The following CORIN variants were observed in gnomAD, a reference collection of about 807,000 sequenced individuals.
CORIN encodes corin, serine peptidase.
In CORIN, 117 loss-of-function variants were observed where a neutral mutation model predicts 125.3. The ratio of observed to expected loss-of-function variants is 0.93; its 90% CI spans 0.80 to 1.09. The LOEUF (loss-of-function observed/expected upper bound fraction) is 1.09, where lower values mean the gene tolerates loss of function less well. Ranked by LOEUF, CORIN falls within the 50% of genes least tolerant of loss-of-function variation. The probability of loss-of-function intolerance (pLI) is 0.00; values close to 1 mark genes in which losing one functional copy is unlikely to be tolerated. For synonymous variants in CORIN, 450 were observed against 466.4 expected (o/e 0.96, Z 0.45); for missense variants, 1,253 against 1,306.7 (o/e 0.96, Z 0.63).
At position 47,683,694 on chromosome 4, in the gene CORIN, T is replaced by C. The variant is rs146969505; in HGVS notation, c.1021+37A>G. The C allele has an allele frequency of 5.8e-5, 85 of 1,477,742 alleles. No homozygotes were observed. In the East Asian group the frequency reaches 1.9e-3, roughly 33 times the overall value. 91.5% of individuals were successfully genotyped at this position (1,477,742 alleles called of 1,614,324 possible). A position where few individuals can be genotyped will look rare whatever the true frequency, so the allele number is the denominator to read the frequency against. ...GTTTTTGGTTATAAATTTCTATGAT[T>C]TTAAATTAAAACCTTTGGGGAAACA... is the stretch of plus-strand genomic sequence containing the variant. On this transcript the variant is annotated intron_variant, in intron 7 of 21. Coordinates refer to ENST00000273857, the MANE Select transcript of CORIN (RefSeq NM_006587.4).
intron 5 of CORIN, among the ~76,000 whole-genome samples, chr4:47,711,262 T>G (rs1015458036): frequency 2.0e-5 from 3 of 152,248 alleles, no homozygotes; most frequent in Admixed American, 6.5e-5. Context: ...TGGCAGGGAC[T>G]GCCGGTTGTC....
In CORIN at chr4:47,623,634, T is replaced by G. The variant is rs770719777; in HGVS notation, c.2477A>C (p.His826Pro). 1.2e-6 allele frequency: 2 copies of G among 1,614,228 alleles called. No homozygotes were observed. Among genetic ancestry groups the G allele is most frequent in the Non-Finnish European group, 8.5e-7 (1 of 1,180,038 alleles). ...QCSLQSEPSG[H>P]ICGCVLIAKK... ...GGCAATGAGGACACAGCCACAGATA[T>G]GTCCACTGGGTTCACTCTGCAGAGA... Residue 826 changes from histidine to proline, a missense_variant, in exon 19 of 22, where the codon CAT becomes CCT. Physicochemically the swap from His to Pro is moderately conservative, Grantham distance 77. Coordinates refer to ENST00000273857, the MANE Select transcript of CORIN (RefSeq NM_006587.4).
Position 47,838,016 on chromosome 4 carries a change from C to A in CORIN, c.-67G>T. On this transcript the variant is annotated 5_prime_UTR_variant, in exon 1 of 22. Transcript: ENST00000273857. Reference sequence around the variant, plus strand: ...GGTCGCTTTTCTCTCCTCTACGTGTCCCCCGGGGAGGCACTACGGATGATT... The same window carrying A: ...GGTCGCTTTTCTCTCCTCTACGTGTACCCCGGGGAGGCACTACGGATGATT... The A allele has an allele frequency of 2.5e-6, 4 of 1,597,176 alleles. No homozygotes were observed. The South Asian group carries it at 3.3e-5, about 13-fold the overall frequency.
In CORIN at chr4:47,765,403, T is replaced by C. The variant is rs184853741; in HGVS notation, c.410-1817A>G. On this transcript the variant is annotated intron_variant, in intron 3 of 21. Transcript: ENST00000273857. ...TTTACTGCTGCATAACATTCCACTA[T>C]ATGTTGTACTGGGATTTATTTAAGC... 1.8e-3 allele frequency among the ~76,000 whole-genome samples: 281 copies of C among 152,292 alleles called. 1 individual carries two copies. Among genetic ancestry groups the C allele is most frequent in the African/African-American group, 6.1e-3 (253 of 41,542 alleles).
At chr4:47,795,596 A>C (rs896998811) in intron 2 of CORIN, among the ~76,000 whole-genome samples, 1 of 152,090 alleles carries the variant, frequency 6.6e-6, no homozygotes, top group East Asian at 1.9e-4. Context: ...CAAAGAAAAA[A>C]AAAAGACCAG....
chr4:47,607,604 T>G (rs1280941933), intron 19 of CORIN, among the ~76,000 whole-genome samples: 1 of 146,540 alleles, frequency 6.8e-6, no homozygotes, highest in East Asian at 1.9e-4. Flanking sequence ...AAACCCAACC[T>G]GTTGTTTGAA....
chr4:47,640,730 T>C (rs1016842610), intron 16 of CORIN, among the ~76,000 whole-genome samples: 4 of 152,246 alleles, frequency 2.6e-5, no homozygotes, highest in Non-Finnish European at 5.9e-5. Context: ...GGAACCTTTC[T>C]ATTTACAATA....
intron 5 of CORIN, chr4:47,706,480 C>T: frequency 3.7e-6 from 6 of 1,611,542 alleles, no homozygotes; most frequent in East Asian, 4.5e-5. Context: ...CTCTGCTCTT[C>T]ACAGGGCTCC....
intron 4 of CORIN, among the ~76,000 whole-genome samples, chr4:47,761,911 G>A (rs2109868050): frequency 6.6e-6 from 1 of 152,212 alleles, no homozygotes; most frequent in South Asian, 2.1e-4. Context: ...CAGGAGGACT[G>A]CTTGAGCCTA....
chr4:47,733,408 T>C (rs2109818703), intron 5 of CORIN, among the ~76,000 whole-genome samples: 1 of 152,300 alleles, frequency 6.6e-6, no homozygotes, highest in African/African-American at 2.4e-5. Context: ...ATAGGAGAAA[T>C]TCGGACTATG....
At chr4:47,639,253 TTA>T (rs2109601539) in intron 16 of CORIN, among the ~76,000 whole-genome samples, 1 of 152,338 alleles carries the variant, frequency 6.6e-6, no homozygotes, top group Non-Finnish European at 1.5e-5. Context: ...GATTAAAGTT[TTA>T]TGTTTTTCTT....
chr4:47,613,522 A>G (rs905516500), intron 19 of CORIN, among the ~76,000 whole-genome samples: 1 of 152,152 alleles, frequency 6.6e-6, no homozygotes, highest in Non-Finnish European at 1.5e-5. Flanking sequence ...AAGTAATTGC[A>G]GCATTATTCA....
Position 47,671,069 on chromosome 4 carries a change from C to T in CORIN, c.1357+3324G>A, listed in dbSNP as rs6447579. Reference sequence around the variant, plus strand: ...TTCATATTCTATTTCAAAGTTCTCACATACCCCTGCAGCCCAGTCATAAAT... The same window carrying T: ...TTCATATTCTATTTCAAAGTTCTCATATACCCCTGCAGCCCAGTCATAAAT... On this transcript the variant is annotated intron_variant, in intron 10 of 21. Transcript: ENST00000273857. 2.6e-3 allele frequency among the ~76,000 whole-genome samples: 400 copies of T among 152,328 alleles called. 4 individuals are homozygous for T. The highest frequency in any genetic ancestry group is 0.014 in the Middle Eastern group (4 of 294).
chr4:47,676,526 T>C (rs948712335), intron 9 of CORIN, among the ~76,000 whole-genome samples: 4 of 152,110 alleles, frequency 2.6e-5, no homozygotes, highest in Non-Finnish European at 5.9e-5. Context: ...TGGTTAAGCA[T>C]TGACTTGCCT....
At chr4:47,788,950 T>A (rs1730939304) in intron 2 of CORIN, among the ~76,000 whole-genome samples, 1 of 152,222 alleles carries the variant, frequency 6.6e-6, no homozygotes, top group African/African-American at 2.4e-5. Flanking sequence ...TTATTAATAA[T>A]CTTTCCTTTG....
intron 4 of CORIN, among the ~76,000 whole-genome samples, chr4:47,756,647 A>G (rs796920974): frequency 7.9e-5 from 12 of 151,052 alleles, no homozygotes; most frequent in African/African-American, 3.0e-4. Context: ...GTGGCTAAGT[A>G]ATTTTTTTTA....
chr4:47,607,422 C>G (rs1477728926), intron 19 of CORIN, among the ~76,000 whole-genome samples: 2 of 151,268 alleles, frequency 1.3e-5, no homozygotes, highest in Non-Finnish European at 3.0e-5. Flanking sequence ...AAAAAAAATT[C>G]CACCAAAAGA....
chr4:47,725,290 T>C (rs1367733131), intron 5 of CORIN, among the ~76,000 whole-genome samples: 2 of 151,878 alleles, frequency 1.3e-5, no homozygotes, highest in African/African-American at 2.4e-5. Flanking sequence ...AACACTTACA[T>C]AGAAAGGCAA....
intron 4 of CORIN, 96 bp from the exon 5 acceptor site, chr4:47,744,679 T>C (rs879229732): frequency 9.7e-6 from 11 of 1,132,184 alleles, no homozygotes; most frequent in Admixed American, 2.6e-5. Flanking sequence ...TGTTGTGATA[T>C]TATCTTAATT....
Sources: gnomAD v4.1 joint callset for allele counts (sites outside exome capture counted in the v4.1 genomes callset) on GRCh38, gnomAD v4.1.1 for gene constraint, MANE v1.5 for transcripts, NCBI Gene and HGNC (gene_info 2026-07-23, HGNC 2026-07-21) for gene names.